The following SAMD4A variants were observed in gnomAD, a reference collection of about 807,000 sequenced individuals.
SAMD4A encodes the protein sterile alpha motif domain containing 4A.
In SAMD4A, 33 loss-of-function variants were observed where a neutral mutation model predicts 81.3. The ratio of observed to expected loss-of-function variants is 0.41; its 90% confidence interval spans 0.31 to 0.54. SAMD4A has a LOEUF of 0.54. Among genes scored for constraint, SAMD4A ranks in the 20% least tolerant of loss-of-function variants. The pLI is 0.37. For missense variants in SAMD4A, 854 were observed against 951.1 expected (o/e 0.90, Z 1.34); for synonymous variants, 389 against 382.1 (o/e 1.02, Z -0.21).
chr14:54,607,096 G>A (rs2034228101), intron 2 of SAMD4A, among the ~76,000 whole-genome samples: 1 of 152,218 alleles, frequency 6.6e-6, no homozygotes, highest in Admixed American at 6.5e-5. Flanking sequence ...AGGTTATCAG[G>A]TTGGAAAGCA....
intron 4 of SAMD4A, among the ~76,000 whole-genome samples, chr14:54,738,558 G>T (rs1217175609): frequency 6.6e-6 from 1 of 152,224 alleles, no homozygotes; most frequent in Non-Finnish European, 1.5e-5. Flanking sequence ...GGCAGCAAAA[G>T]CCATGTGTCA....
chr14:54,776,611 C>A, intron 11 of SAMD4A, 71 bp downstream of exon 11: 1 of 1,422,938 alleles, frequency 7.0e-7, no homozygotes. Context: ...CAAACCCAGC[C>A]AGAAAGTGCT....
Position 54,766,890 on chromosome 14 carries a change from C to T in SAMD4A, c.1596+2350C>T, listed in dbSNP as rs545205512. 4.6e-5 allele frequency among the ~76,000 whole-genome samples: 7 copies of T among 152,260 alleles called. No individual in the cohort carries two copies. In the East Asian group the frequency reaches 1.4e-3, roughly 30 times the overall value. On this transcript the variant is annotated intron_variant, in intron 8 of 12. Coordinates refer to ENST00000554335, the MANE Select transcript of SAMD4A (RefSeq NM_015589.6). ...GCCCCGAAACTCTGGCCTGACGCTT[C>T]CTGCTTGCCTGCCATCCTGCATGTC...
chr14:54,655,363 TAAGG>T (rs1448010338), intron 2 of SAMD4A, among the ~76,000 whole-genome samples: 2 of 152,172 alleles, frequency 1.3e-5, no homozygotes, highest in African/African-American at 4.8e-5. Flanking sequence ...CCAGTCAAGT[TAAGG>T]AAGAGCCCAT....
chr14:54,755,090 G>A (rs927603782), intron 6 of SAMD4A, among the ~76,000 whole-genome samples: 5 of 152,278 alleles, frequency 3.3e-5, no homozygotes, highest in East Asian at 1.9e-4. Flanking sequence ...GATGTTGGCC[G>A]GGAAACTCAT....
intron 2 of SAMD4A, among the ~76,000 whole-genome samples, chr14:54,615,753 A>C (rs2034474081): frequency 6.7e-6 from 1 of 150,260 alleles, no homozygotes; most frequent in Admixed American, 6.7e-5. Context: ...TTATTTAGTG[A>C]CTTTCTTGAA....
At chr14:54,747,545 A>C (rs2037997502) in intron 4 of SAMD4A, among the ~76,000 whole-genome samples, 1 of 152,264 alleles carries the variant, frequency 6.6e-6, no homozygotes, top group Admixed American at 6.5e-5. Flanking sequence ...GCCTCAGAAT[A>C]AAGCATTTAG....
At chr14:54,670,440 C>T (rs2035855445) in intron 2 of SAMD4A, among the ~76,000 whole-genome samples, 2 of 152,310 alleles carry the variant, frequency 1.3e-5, no homozygotes, top group South Asian at 4.1e-4. Context: ...TCCTTCAGGG[C>T]TAAGAAAGGC....
At chr14:54,724,040 G>GGAAGGAAGGAAGGAAGGAAGGAA (rs1344485748) in intron 3 of SAMD4A, among the ~76,000 whole-genome samples, 143 of 150,874 alleles carry the variant, frequency 9.5e-4, no homozygotes, top group African/African-American at 3.4e-3. Context: ...AAGGAAGGAA[G>GGAAGGAAGGAAGGAAGGAAGGAA]GAAGGAAGGA....
At chr14:54,675,191 C>A (rs1463811184) in intron 2 of SAMD4A, among the ~76,000 whole-genome samples, 2 of 151,922 alleles carry the variant, frequency 1.3e-5, no homozygotes, top group Non-Finnish European at 2.9e-5. Context: ...CCTGGTGAAA[C>A]CCCGTCTCTA....
At chr14:54,600,003 T>C (rs1004504529) in intron 2 of SAMD4A, among the ~76,000 whole-genome samples, 1 of 152,200 alleles carries the variant, frequency 6.6e-6, no homozygotes, top group Admixed American at 6.5e-5. Context: ...AGATCATTAA[T>C]CCTACTTTTA....
intron 2 of SAMD4A, among the ~76,000 whole-genome samples, chr14:54,669,182 C>G (rs759289746): frequency 6.6e-6 from 1 of 152,206 alleles, no homozygotes; most frequent in Non-Finnish European, 1.5e-5. Context: ...CCCACATTTT[C>G]TCCCTTACAT....
intron 2 of SAMD4A, among the ~76,000 whole-genome samples, chr14:54,582,249 T>G (rs923301863): frequency 2.0e-5 from 3 of 152,142 alleles, no homozygotes; most frequent in Non-Finnish European, 2.9e-5. Flanking sequence ...TGCTGCTGTT[T>G]TTTTTTTAAT....
At chr14:54,787,212 G>A (rs756544155) in intron 12 of SAMD4A, among the ~76,000 whole-genome samples, 4 of 152,180 alleles carry the variant, frequency 2.6e-5, no homozygotes, top group Non-Finnish European at 5.9e-5. Flanking sequence ...TGGCCTCTAG[G>A]ATTGGTGATC....
At chr14:54,776,265 A>G (rs1594931946) in intron 10 of SAMD4A, 149 bp from the exon 11 acceptor site, 3 of 746,052 alleles carry the variant, frequency 4.0e-6, no homozygotes, top group East Asian at 6.0e-5. Context: ...CTCTCTATAA[A>G]TAAGCAGATG....
intron 12 of SAMD4A, among the ~76,000 whole-genome samples, chr14:54,788,040 C>A (rs897660871): frequency 6.6e-6 from 1 of 152,202 alleles, no homozygotes; most frequent in Non-Finnish European, 1.5e-5. Flanking sequence ...GGGTCATCCA[C>A]TTCTCCAAAA....
intron 2 of SAMD4A, among the ~76,000 whole-genome samples, chr14:54,643,982 G>T (rs1022239798): frequency 6.6e-6 from 1 of 152,190 alleles, no homozygotes; most frequent in Non-Finnish European, 1.5e-5. Context: ...GAGGGACTCG[G>T]TAGAACAAAT....
intron 2 of SAMD4A, among the ~76,000 whole-genome samples, chr14:54,650,102 A>G (rs2035372162): frequency 6.6e-6 from 1 of 152,238 alleles, no homozygotes; most frequent in Admixed American, 6.5e-5. Flanking sequence ...TACCTCCTCT[A>G]ATTCACTGAT....
chr14:54,701,688 AC>A (rs1446814816), intron 2 of SAMD4A, among the ~76,000 whole-genome samples: 1 of 152,204 alleles, frequency 6.6e-6, no homozygotes, highest in African/African-American at 2.4e-5. Flanking sequence ...CTTTGTTCAT[AC>A]TCACTTTTCT....
Sources: gnomAD v4.1 joint callset for allele counts (sites outside exome capture counted in the v4.1 genomes callset) on GRCh38, gnomAD v4.1.1 for gene constraint, MANE v1.5 for transcripts, NCBI Gene and HGNC (gene_info 2026-07-23, HGNC 2026-07-21) for gene names.